Variants in DIP2C observed in about 807,000 individuals in gnomAD.
DIP2C encodes disco-interacting protein 2 homolog C.
A neutral mutation model predicts 192.4 loss-of-function variants in DIP2C; 33 were observed. The ratio of observed to expected loss-of-function variants is 0.17; its 90% confidence interval spans 0.13 to 0.23. The LOEUF is 0.23. Ranked by LOEUF, DIP2C falls within the 10% of genes least tolerant of loss-of-function variation. The pLI is 1.00. For missense variants in DIP2C, 1,537 were observed against 2,110.1 expected (o/e 0.73, Z 5.32); for synonymous variants, 979 against 864.1 (o/e 1.13, Z -2.33).
At chr10:295,824 T>C (rs1955728232) in intron 32 of DIP2C, among the ~76,000 whole-genome samples, 1 of 151,970 alleles carries the variant, frequency 6.6e-6, no homozygotes, top group Admixed American at 6.6e-5. Context: ...CTGGCCTATA[T>C]GGTGAAACCC....
chr10:654,497 T>G (rs999100799), intron 1 of DIP2C, among the ~76,000 whole-genome samples: 1 of 152,170 alleles, frequency 6.6e-6, no homozygotes, highest in African/African-American at 2.4e-5. Flanking sequence ...ATCAGTGTAT[T>G]CACAACAGCA....
At chr10:444,962 T>C (rs1205332146) in intron 3 of DIP2C, among the ~76,000 whole-genome samples, 1 of 152,242 alleles carries the variant, frequency 6.6e-6, no homozygotes, top group Non-Finnish European at 1.5e-5. Context: ...TGCTGGGCCA[T>C]ATGGTAAATG....
intron 3 of DIP2C, among the ~76,000 whole-genome samples, chr10:448,761 C>T (rs1305405551): frequency 1.6e-4 from 22 of 141,622 alleles, no homozygotes; most frequent in African/African-American, 1.3e-4. Flanking sequence ...CAGCAGGACC[C>T]ACTCACCCCT....
rs185655831 is a variant in DIP2C at position 364,365 on chromosome 10, G to C, written c.2477+9C>G. 6.2e-7 allele frequency: 1 copy of C among 1,601,006 alleles called. No homozygotes were observed. The highest frequency in any genetic ancestry group is 1.3e-5 in the African/African-American group (1 of 74,770). ...AAACCATATGCTTGATTTGCAGAAC[G>C]CCACTGACCTTCCCCGGTAGACAAA... On this transcript the variant is annotated intron_variant, in intron 20 of 36. Transcript: ENST00000280886.
chr10:608,034 C>G (rs1852627634), intron 1 of DIP2C, among the ~76,000 whole-genome samples: 1 of 151,512 alleles, frequency 6.6e-6, no homozygotes, highest in Non-Finnish European at 1.5e-5. Flanking sequence ...GACTTCTCCA[C>G]TAGAATATGC....
intron 2 of DIP2C, among the ~76,000 whole-genome samples, chr10:476,410 A>AG (rs1843034540): frequency 6.6e-6 from 1 of 152,208 alleles, no homozygotes; most frequent in Non-Finnish European, 1.5e-5. Context: ...TCCTAGGCTC[A>AG]GCCTCCTGCC....
rs200662111 is a variant in DIP2C, at chr10:366,386, G to T, written c.2157C>A (p.Asp719Glu). 3 of 1,614,210 alleles carry T rather than the reference G, an allele frequency of 1.9e-6. No homozygotes were observed. Among genetic ancestry groups the T allele is most frequent in the African/African-American group, 2.7e-5 (2 of 75,044 alleles). Residue 719 changes from aspartate (D) to glutamate (E), a missense_variant, in exon 19 of 37, where the codon GAC (aspartate) becomes GAA (glutamate). Coordinates refer to ENST00000280886, the MANE Select transcript of DIP2C (RefSeq NM_014974.3). ...PGAIMCSVKP[D>E]GVPQLCRTDE... ...CCGTTCTGCACAGCTGAGGAACCCCGTCTGGCTTCACTGAACACATGATGG... is the reference window on the plus strand; with the variant it reads ...CCGTTCTGCACAGCTGAGGAACCCCTTCTGGCTTCACTGAACACATGATGG...
At chr10:331,061 C>T (rs1957485021) in intron 29 of DIP2C, among the ~76,000 whole-genome samples, 1 of 150,336 alleles carries the variant, frequency 6.7e-6, no homozygotes, top group African/African-American at 2.5e-5. Flanking sequence ...AGTACTCCTC[C>T]TATCTTAGCC....
chr10:639,649 A>G (rs987867913), intron 1 of DIP2C, among the ~76,000 whole-genome samples: 1 of 152,232 alleles, frequency 6.6e-6, no homozygotes, highest in Non-Finnish European at 1.5e-5. Flanking sequence ...GAGGCATTTT[A>G]CTTTGCTAAT....
chr10:624,477 G>A (rs554881096), intron 1 of DIP2C, among the ~76,000 whole-genome samples: 110 of 152,338 alleles, frequency 7.2e-4, no homozygotes, highest in African/African-American at 2.5e-3. Context: ...CACTCAAGAG[G>A]CACACAGCAC....
intron 32 of DIP2C, among the ~76,000 whole-genome samples, chr10:296,337 G>A (rs1321674873): frequency 1.3e-5 from 2 of 151,818 alleles, no homozygotes; most frequent in Admixed American, 6.6e-5. Flanking sequence ...ACCACAATGA[G>A]ATACCATCTC....
At chr10:470,076 G>A (rs74455834) in intron 3 of DIP2C, among the ~76,000 whole-genome samples, 304 of 152,266 alleles carry the variant, frequency 2.0e-3, no homozygotes, top group African/African-American at 7.0e-3. Flanking sequence ...GATGGTGGAC[G>A]TAAATGGATG....
intron 1 of DIP2C, among the ~76,000 whole-genome samples, chr10:559,965 T>A (rs1420516754): frequency 6.8e-6 from 1 of 148,010 alleles, no homozygotes; most frequent in Non-Finnish European, 1.5e-5. Context: ...GGTTCTCACC[T>A]CTCCCCCCCA....
At chr10:641,768 CA>C (rs1444021873) in intron 1 of DIP2C, 2 of 154,126 alleles carry the variant, frequency 1.3e-5, no homozygotes, top group Non-Finnish European at 2.9e-5. Context: ...CTTGTTGGGG[CA>C]GGGGTACAGA....
chr10:398,883 A>T (rs1246752506), intron 10 of DIP2C, among the ~76,000 whole-genome samples: 1 of 152,124 alleles, frequency 6.6e-6, no homozygotes, highest in Non-Finnish European at 1.5e-5. Context: ...TGCTTTACTG[A>T]CCAAGAGGCT....
rs147537773 is a variant in DIP2C, at chr10:283,684, G to T, written c.4120-238C>A. Among the ~76,000 whole-genome samples the T allele has an allele frequency of 7.7e-4, 117 of 152,202 alleles. No homozygotes were observed. The South Asian group carries it at 0.017, about 22-fold the overall frequency. On this transcript the variant is annotated intron_variant, in intron 34 of 36. Coordinates refer to ENST00000280886, the MANE Select transcript of DIP2C (RefSeq NM_014974.3). ...GCAACCAGCCAAGGCATCCCTATGG[G>T]GAACTGAATTAAAGCAGATTAGTTG...
At chr10:331,615 CAT>C (rs1188110763) in intron 29 of DIP2C, among the ~76,000 whole-genome samples, 1 of 152,226 alleles carries the variant, frequency 6.6e-6, no homozygotes, top group East Asian at 1.9e-4. Flanking sequence ...TTATTTAAAA[CAT>C]GAGAGAGGAA....
chr10:532,720 TGAGA>T lies in DIP2C; in HGVS notation c.86-46194_86-46191del, dbSNP rs540626152. 2.5e-4 allele frequency among the ~76,000 whole-genome samples: 26 copies of T among 105,242 alleles called. 3 individuals carry two copies. In the South Asian group the frequency reaches 4.8e-3, roughly 19 times the overall value. The allele number at this position is 105,242 out of a possible 152,430, so 69.0% of individuals were successfully genotyped here. On this transcript the variant is annotated intron_variant, in intron 1 of 36. Transcript: ENST00000280886. ...ATGGGTGTGAGAGAGAGTATGGGTG[TGAGA>T]GAGAGTATGGGTGTGAGAGAGAGTA...
At chr10:419,916 A>T (rs1471066827) in intron 5 of DIP2C, among the ~76,000 whole-genome samples, 7 of 152,168 alleles carry the variant, frequency 4.6e-5, no homozygotes, top group Non-Finnish European at 8.8e-5. Flanking sequence ...TACGTGGCTG[A>T]ATGGGGAAAA....
Sources: gnomAD v4.1 joint callset for allele counts (sites outside exome capture counted in the v4.1 genomes callset) on GRCh38, gnomAD v4.1.1 for gene constraint, MANE v1.5 for transcripts, NCBI Gene and HGNC (gene_info 2026-07-23, HGNC 2026-07-21) for gene names.